The following PANK1 variants were observed in gnomAD, a reference collection of about 807,000 sequenced individuals.
PANK1 encodes the protein pantothenate kinase 1.
In PANK1, 18 loss-of-function variants were observed where a neutral mutation model predicts 40.1. The ratio of observed to expected loss-of-function variants is 0.45; its 90% CI spans 0.31 to 0.67. The LOEUF is 0.67. Ranked by LOEUF, PANK1 falls within the 30% of genes least tolerant of loss-of-function variation. PANK1 has a pLI of 0.06. For missense variants in PANK1, 457 were observed against 599.6 expected, an observed-to-expected ratio of 0.76 and a Z score of 2.48; for synonymous variants, 242 against 237.7, an observed-to-expected ratio of 1.02 and a Z score of -0.17.
intron 1 of PANK1, among the ~76,000 whole-genome samples, chr10:89,637,769 C>T (rs752322240): frequency 1.3e-4 from 20 of 152,156 alleles, no homozygotes; most frequent in Non-Finnish European, 2.8e-4. Flanking sequence ...TTATACTTAG[C>T]TTACTATAAC....
chr10:89,640,105 C>G (rs1291056701), intron 1 of PANK1, among the ~76,000 whole-genome samples: 1 of 152,198 alleles, frequency 6.6e-6, no homozygotes, highest in Non-Finnish European at 1.5e-5. Context: ...TGCTTTACTT[C>G]TTTGAGCCTC....
intron 6 of PANK1, among the ~76,000 whole-genome samples, chr10:89,586,817 G>A (rs1844208971): frequency 6.6e-6 from 1 of 152,110 alleles, no homozygotes; most frequent in Non-Finnish European, 1.5e-5. Context: ...CCACTTTTTG[G>A]TTTATATTAT....
At chr10:89,642,877 T>C (rs1333841055) in intron 1 of PANK1, among the ~76,000 whole-genome samples, 2 of 152,210 alleles carry the variant, frequency 1.3e-5, no homozygotes, top group African/African-American at 4.8e-5. Flanking sequence ...GTAACAATCG[T>C]GGTCATGAAA....
chr10:89,644,950 T>C lies in PANK1; in HGVS notation c.-59A>G. ...GCTCAGGCGGCCTCGCTGGAGGTCA[T>C]TCTCCGGCGTCTTTATTTCCCCGGA... On this transcript the variant is annotated 5_prime_UTR_variant, in exon 1 of 7. It removes an upstream start codon present in the reference 5' UTR. Coordinates refer to ENST00000307534, the MANE Select transcript of PANK1 (RefSeq NM_148977.3). The C allele has an allele frequency of 6.4e-7, 1 of 1,571,288 alleles. No individual in the cohort carries two copies. The highest frequency in any genetic ancestry group is 2.5e-5 in the East Asian group (1 of 39,292).
chr10:89,643,027 G>T (rs1842011487), intron 1 of PANK1, among the ~76,000 whole-genome samples: 1 of 152,108 alleles, frequency 6.6e-6, no homozygotes, highest in South Asian at 2.1e-4. Flanking sequence ...TAAGGCTCAG[G>T]TTAGTTTTTC....
intron 1 of PANK1, chr10:89,613,991 A>G (rs1437545596): frequency 8.8e-6 from 4 of 456,550 alleles, no homozygotes; most frequent in Non-Finnish European, 1.8e-5. Context: ...AATTATCTCG[A>G]ATTTCTTCCC....
At chr10:89,596,537 G>C (rs1486361071) in intron 3 of PANK1, among the ~76,000 whole-genome samples, 2 of 152,210 alleles carry the variant, frequency 1.3e-5, no homozygotes, top group African/African-American at 2.4e-5. Context: ...CATGGCTGCA[G>C]AAGAGCCAAA....
intron 2 of PANK1, among the ~76,000 whole-genome samples, chr10:89,610,022 G>C (rs1327101978): frequency 3.3e-5 from 5 of 152,186 alleles, no homozygotes; most frequent in African/African-American, 1.2e-4. Flanking sequence ...AATGAGAGTG[G>C]ATCAGCATTT....
At chr10:89,596,424 G>A (rs1217856434) in intron 3 of PANK1, among the ~76,000 whole-genome samples, 1 of 152,196 alleles carries the variant, frequency 6.6e-6, no homozygotes, top group Non-Finnish European at 1.5e-5. Context: ...TGCCTTGTAT[G>A]ACTGGAAAAT....
At chr10:89,644,158 G>A (rs557830452) in intron 1 of PANK1, among the ~76,000 whole-genome samples, 102 of 152,238 alleles carry the variant, frequency 6.7e-4, no homozygotes, top group African/African-American at 2.3e-3. Flanking sequence ...TGATTCAAAG[G>A]GCAGGCAACC....
At position 89,599,437 on chromosome 10, in the gene PANK1, G is replaced by A. The variant is rs1844709220; in HGVS notation, c.714C>T (p.Asp238=). ...DCLIQGLLYV[D]SVGFNGKPEC... is the part of the protein sequence containing the mutation. ...CTGGCTTGCCGTTGAAGCCAACAGA[G>A]TCGACATAAAGCAGGCCCTGAATCA... is the stretch of plus-strand genomic sequence containing the variant. The change falls in exon 3 of 7, where the codon GAC becomes GAT. Residue 238 remains aspartate, a synonymous_variant. Coordinates refer to ENST00000307534, the MANE Select transcript of PANK1 (RefSeq NM_148977.3). The A allele has an allele frequency of 1.2e-6, 2 of 1,613,540 alleles. No homozygotes were observed. Among genetic ancestry groups the A allele is most frequent in the African/African-American group, 2.7e-5 (2 of 74,916 alleles).
At chr10:89,587,831 A>G (rs538672951) in intron 6 of PANK1, among the ~76,000 whole-genome samples, 2 of 152,352 alleles carry the variant, frequency 1.3e-5, no homozygotes, top group Admixed American at 6.5e-5. Flanking sequence ...ATAATCGTAT[A>G]TATTTATGGG....
chr10:89,643,880 A>G (rs546501995), intron 1 of PANK1: 3 of 1,437,652 alleles, frequency 2.1e-6, no homozygotes, highest in Non-Finnish European at 2.7e-6. Context: ...TTGTGAAATA[A>G]TGCACTTCGG....
intron 2 of PANK1, among the ~76,000 whole-genome samples, chr10:89,599,997 A>AGT (rs1844727889): frequency 6.6e-6 from 1 of 152,198 alleles, no homozygotes; most frequent in Admixed American, 6.5e-5. Context: ...CAGAGACTGG[A>AGT]GTGCTGCTCA....
chr10:89,607,822 A>T (rs10748524), intron 2 of PANK1, among the ~76,000 whole-genome samples: 2 of 151,632 alleles, frequency 1.3e-5, no homozygotes, highest in Admixed American at 1.3e-4. Context: ...AATTCACTGA[A>T]ACCTACAGAG....
chr10:89,643,565 G>A, intron 1 of PANK1: 2 of 655,560 alleles, frequency 3.1e-6, no homozygotes, highest in Non-Finnish European at 2.7e-6. Flanking sequence ...ATAGAAACAG[G>A]GAAAAGTGAA....
rs1270943079 is a variant in PANK1, at chr10:89,583,443, C to T, written c.*963G>A. Reference sequence around the variant, plus strand: ...TACTATCTGACACCTCAACCCATGACTTACCCTAAATCTCCTGATATGAAC... The same window carrying T: ...TACTATCTGACACCTCAACCCATGATTTACCCTAAATCTCCTGATATGAAC... On this transcript the variant is annotated 3_prime_UTR_variant, in exon 7 of 7. Coordinates refer to ENST00000307534, the MANE Select transcript of PANK1 (RefSeq NM_148977.3). The T allele has an allele frequency of 6.6e-6, 1 of 152,140 alleles. No individual in the cohort carries two copies. The highest frequency in any genetic ancestry group is 1.5e-5 in the Non-Finnish European group (1 of 68,008). 9.4% of individuals were successfully genotyped at this position (152,140 alleles called of 1,614,324 possible).
chr10:89,616,648 C>T (rs558107111), intron 1 of PANK1, among the ~76,000 whole-genome samples: 16 of 152,098 alleles, frequency 1.1e-4, no homozygotes, highest in African/African-American at 3.1e-4. Context: ...AAAAGACAGG[C>T]GCGGTGGTTC....
intron 5 of PANK1, 53 bp downstream of exon 5, chr10:89,593,144 A>G: frequency 5.7e-6 from 9 of 1,586,502 alleles, no homozygotes; most frequent in Middle Eastern, 1.7e-4. Context: ...TGCACTGCCA[A>G]GATGATGTAT....
Sources: allele counts gnomAD v4.1 joint callset (sites outside exome capture counted in the v4.1 genomes callset), GRCh38; gene constraint gnomAD v4.1.1; transcripts MANE v1.5; gene names NCBI Gene and HGNC (gene_info 2026-07-23, HGNC 2026-07-21).